The following GRM3 variants were observed in gnomAD, a reference collection of about 807,000 sequenced individuals.
GRM3 encodes the protein glutamate metabotropic receptor 3.
A neutral mutation model predicts 70.5 loss-of-function variants in GRM3; 26 were observed. That is an observed-to-expected ratio of 0.37 (90% confidence interval 0.27 to 0.51). The LOEUF (loss-of-function observed/expected upper bound fraction) is 0.51. Ranked by LOEUF, GRM3 falls within the 20% of genes least tolerant of loss-of-function variation. The pLI is 0.93. For missense variants in GRM3, 859 were observed against 1,123.8 expected (o/e 0.76, Z 3.37); for synonymous variants, 443 against 434.9 (o/e 1.02, Z -0.23).
chr7:86,791,742 A>G (rs1466579250), intron 3 of GRM3, among the ~76,000 whole-genome samples: 1 of 152,180 alleles, frequency 6.6e-6, no homozygotes, highest in Non-Finnish European at 1.5e-5. Context: ...GGTTTATAGT[A>G]TGTTTCCTTT....
At chr7:86,828,920 C>A (rs1281815241) in intron 3 of GRM3, among the ~76,000 whole-genome samples, 2 of 152,240 alleles carry the variant, frequency 1.3e-5, no homozygotes, top group African/African-American at 4.8e-5. Flanking sequence ...ATGTAATATT[C>A]TAAATCCTCT....
intron 1 of GRM3, among the ~76,000 whole-genome samples, chr7:86,656,333 T>C (rs943278752): frequency 7.1e-6 from 1 of 140,470 alleles, no homozygotes; most frequent in Non-Finnish European, 1.5e-5. Flanking sequence ...TGGCACGATC[T>C]CAGCTCAGTG....
chr7:86,688,759 C>A (rs115798108), intron 1 of GRM3, among the ~76,000 whole-genome samples: 4,949 of 147,092 alleles, frequency 0.034, 270 homozygotes, highest in African/African-American at 0.12. Context: ...ATATATATAT[C>A]TCTCACATAT....
chr7:86,814,683 G>A (rs1044326922), intron 3 of GRM3, among the ~76,000 whole-genome samples: 2 of 151,466 alleles, frequency 1.3e-5, no homozygotes, highest in African/African-American at 4.8e-5. Context: ...TTAATTACAG[G>A]CTCCTTTGCT....
intron 1 of GRM3, among the ~76,000 whole-genome samples, chr7:86,716,281 A>G (rs962001792): frequency 4.6e-5 from 7 of 151,976 alleles, no homozygotes; most frequent in Non-Finnish European, 7.4e-5. Context: ...AAAAGAACGG[A>G]GAGAGGAGAA....
chr7:86,708,607 A>G (rs1032278432), intron 1 of GRM3, among the ~76,000 whole-genome samples: 4 of 152,088 alleles, frequency 2.6e-5, no homozygotes, highest in Non-Finnish European at 5.9e-5. Flanking sequence ...TGCCACGTCA[A>G]CGAATCCACC....
Position 86,839,404 on chromosome 7 carries a change from C to G in GRM3, c.1890C>G (p.Phe630Leu), listed in dbSNP as rs879438629. Residue 630 changes from phenylalanine (F) to leucine (L), a missense_variant, in exon 4 of 6, where the codon TTC becomes TTG. Phe to Leu is a conservative substitution (Grantham distance 22). Transcript: ENST00000361669. The surrounding 1 kb of genome is among the most constrained non-coding windows in gnomAD (Gnocchi z 4.5). ...TTGGCCTGTCATACTGCATGACATTCTTCTTCATTGCCAAGCCATCACCAG... is the reference window on the plus strand; with the variant it reads ...TTGGCCTGTCATACTGCATGACATTGTTCTTCATTGCCAAGCCATCACCAG... Reference protein sequence around the residue: ...FGVGLSYCMTFFFIAKPSPVI... With the variant: ...FGVGLSYCMTLFFIAKPSPVI... The G allele has an allele frequency of 1.2e-5, 19 of 1,614,020 alleles. No individual in the cohort carries two copies. The highest frequency in any genetic ancestry group is 1.5e-5 in the Non-Finnish European group (18 of 1,179,906).
intron 1 of GRM3, among the ~76,000 whole-genome samples, chr7:86,691,758 G>A (rs1794702232): frequency 6.6e-6 from 1 of 152,074 alleles, no homozygotes; most frequent in South Asian, 2.1e-4. Context: ...CCCTCTCTTT[G>A]CCCTTCTGCC....
At chr7:86,810,781 G>C (rs1797894075) in intron 3 of GRM3, among the ~76,000 whole-genome samples, 1 of 151,932 alleles carries the variant, frequency 6.6e-6, no homozygotes, top group Non-Finnish European at 1.5e-5. Flanking sequence ...TCAAATGAAA[G>C]AATATTTCTT....
In GRM3 at chr7:86,654,944, G is replaced by A. The variant is rs115703213; in HGVS notation, c.-141+10072G>A. ...ATACAGTGTGAAGAAAATAGAATGAGGGATGTACAAAAGTGAGAGAAGCTG... is the reference window on the plus strand; with the variant it reads ...ATACAGTGTGAAGAAAATAGAATGAAGGATGTACAAAAGTGAGAGAAGCTG... On this transcript the variant is annotated intron_variant, in intron 1 of 5. Coordinates refer to ENST00000361669, the MANE Select transcript of GRM3 (RefSeq NM_000840.3). Among the ~76,000 whole-genome samples, 1,387 of 152,266 alleles carry A rather than the reference G, an allele frequency of 9.1e-3. 16 individuals are homozygous for A. The highest frequency in any genetic ancestry group is 0.032 in the African/African-American group (1,323 of 41,542).
At chr7:86,831,435 G>GA (rs1798350152) in intron 3 of GRM3, among the ~76,000 whole-genome samples, 1 of 152,014 alleles carries the variant, frequency 6.6e-6, no homozygotes, top group Non-Finnish European at 1.5e-5. Context: ...AAGAAGGTAG[G>GA]AAAAAAATGT....
At chr7:86,677,813 A>G (rs1794344397) in intron 1 of GRM3, among the ~76,000 whole-genome samples, 1 of 151,996 alleles carries the variant, frequency 6.6e-6, no homozygotes, top group Non-Finnish European at 1.5e-5. Context: ...CTAAGATTAA[A>G]TTATAGCTAA....
At chr7:86,829,026 A>G (rs1231646799) in intron 3 of GRM3, among the ~76,000 whole-genome samples, 1 of 152,184 alleles carries the variant, frequency 6.6e-6, no homozygotes, top group African/African-American at 2.4e-5. Context: ...GCAACCCCTC[A>G]TCTGTTTTAG....
chr7:86,815,614 C>A (rs10278473), intron 3 of GRM3, among the ~76,000 whole-genome samples: 1 of 151,758 alleles, frequency 6.6e-6, no homozygotes, highest in Non-Finnish European at 1.5e-5. Context: ...CAAAGCACTT[C>A]GAAATTAGTC....
rs549431941 is a variant in GRM3 at position 86,718,209 on chromosome 7, G to A, written c.-140-46797G>A. Among the ~76,000 whole-genome samples, 6 of 151,990 alleles carry A rather than the reference G, an allele frequency of 3.9e-5. No individual in the cohort carries two copies. In the South Asian group the frequency reaches 1.2e-3, roughly 32 times the overall value. On this transcript the variant is annotated intron_variant, in intron 1 of 5. Transcript: ENST00000361669. ...GACCTTAAGATATTATTTCAGTCTGGCATTTATCTTGGTATCATAAAGCAA... is the reference window on the plus strand; with the variant it reads ...GACCTTAAGATATTATTTCAGTCTGACATTTATCTTGGTATCATAAAGCAA...
At chr7:86,847,332 C>G (rs114541281) in intron 4 of GRM3, among the ~76,000 whole-genome samples, 2,086 of 152,184 alleles carry the variant, frequency 0.014, 47 homozygotes, top group African/African-American at 0.048. Context: ...ATGGTAAAGT[C>G]AAGGATGGTC....
chr7:86,785,739 G>A (rs1797221022), intron 2 of GRM3, among the ~76,000 whole-genome samples: 1 of 101,998 alleles, frequency 9.8e-6, no homozygotes, highest in African/African-American at 3.8e-5. Flanking sequence ...GATGATAAAT[G>A]TCTAATCTGG....
Position 86,646,275 on chromosome 7 carries a change from C to T in GRM3, c.-141+1403C>T, listed in dbSNP as rs140719898. Among the ~76,000 whole-genome samples, 595 of 152,220 alleles carry T rather than the reference C, an allele frequency of 3.9e-3. 3 individuals are homozygous for T. The highest frequency in any genetic ancestry group is 0.013 in the African/African-American group (552 of 41,532). ...AATAGAATTTGAATATATTTGGAAG[C>T]TATTGTATGCCAGAAATTATTGTAA... On this transcript the variant is annotated intron_variant, in intron 1 of 5. Coordinates refer to ENST00000361669, the MANE Select transcript of GRM3 (RefSeq NM_000840.3).
chr7:86,684,644 A>T (rs2115987748), intron 1 of GRM3, among the ~76,000 whole-genome samples: 1 of 152,334 alleles, frequency 6.6e-6, no homozygotes, highest in African/African-American at 2.4e-5. Flanking sequence ...GTATCTGAAG[A>T]ATATATTGTA....
Sources: gnomAD v4.1 joint callset for allele counts (sites outside exome capture counted in the v4.1 genomes callset) on GRCh38, gnomAD v4.1.1 for gene constraint, Gnocchi (gnomAD v3.1) non-coding constraint, MANE v1.5 for transcripts, NCBI Gene and HGNC (gene_info 2026-07-23, HGNC 2026-07-21) for gene names.